MACROD2: variants seen among roughly 807,000 people sequenced by gnomAD.
MACROD2 encodes mono-ADP ribosylhydrolase 2, also known as ADP-ribose glycohydrolase MACROD2.
Under a neutral mutation model 70.4 loss-of-function variants are expected in MACROD2, and 36 were observed. The ratio of observed to expected loss-of-function variants is 0.51; its 90% CI spans 0.39 to 0.68. MACROD2 has a LOEUF of 0.68. Among genes scored for constraint, MACROD2 ranks in the 30% least tolerant of loss-of-function variants. MACROD2 has a pLI of 0.00. For missense variants in MACROD2, 496 were observed against 538.4 expected, an observed-to-expected ratio of 0.92 and a Z score of 0.78; for synonymous variants, 172 against 178.8, an observed-to-expected ratio of 0.96 and a Z score of 0.30.
At chr20:15,459,675 T>C (rs1483880137) in intron 7 of MACROD2, among the ~76,000 whole-genome samples, 5 of 152,100 alleles carry the variant, frequency 3.3e-5, no homozygotes, top group Admixed American at 2.6e-4. Context: ...GTCTTCTGAG[T>C]TCAAAAGGCT....
intron 5 of MACROD2, among the ~76,000 whole-genome samples, chr20:14,701,221 T>A (rs1449257719): frequency 6.6e-6 from 1 of 152,184 alleles, no homozygotes; most frequent in Non-Finnish European, 1.5e-5. Context: ...TATTTCCATA[T>A]GTCACTGCTA....
chr20:15,040,694 C>T (rs939616473), intron 5 of MACROD2, among the ~76,000 whole-genome samples: 5 of 152,156 alleles, frequency 3.3e-5, no homozygotes, highest in East Asian at 1.9e-4. Flanking sequence ...CTGACCCTAT[C>T]GGAACATTGT....
At position 15,666,072 on chromosome 20, in the gene MACROD2, G is replaced by C. The variant is rs1424166892; in HGVS notation, c.645+166225G>C. On this transcript the variant is annotated intron_variant, in intron 8 of 17. Coordinates refer to ENST00000684519, the MANE Select transcript of MACROD2 (RefSeq NM_001351661.2). ...GAGTAGCCTTGTAATTAACAAGGTA[G>C]TTAAATTATGTTTTAAATGAATTCT... Among the ~76,000 whole-genome samples, 7 of 152,158 alleles carry C rather than the reference G, an allele frequency of 4.6e-5. No homozygotes were observed. The South Asian group carries it at 1.4e-3, about 31-fold the overall frequency.
intron 4 of MACROD2, among the ~76,000 whole-genome samples, chr20:14,499,751 C>G (rs769291415): frequency 8.6e-5 from 13 of 151,960 alleles, no homozygotes; most frequent in Admixed American, 7.9e-4. Flanking sequence ...GTCCTCCCTC[C>G]CTCCTGCCTC....
chr20:14,529,369 T>C (rs2085274870), intron 4 of MACROD2, among the ~76,000 whole-genome samples: 1 of 152,194 alleles, frequency 6.6e-6, no homozygotes, highest in Admixed American at 6.5e-5. Flanking sequence ...ACACTTAGTG[T>C]ATTGGCTTTT....
intron 5 of MACROD2, among the ~76,000 whole-genome samples, chr20:15,176,053 G>T (rs118163955): frequency 8.9e-4 from 136 of 152,358 alleles, no homozygotes; most frequent in Admixed American, 1.5e-3. Context: ...CAAAGTTGTG[G>T]CTGAGGCTGG....
intron 7 of MACROD2, among the ~76,000 whole-genome samples, chr20:15,447,051 CGTGTGTGTGTGTGTGTGTGTGTGT>C (rs57914856): frequency 6.8e-6 from 1 of 146,554 alleles, no homozygotes; most frequent in South Asian, 2.2e-4. Flanking sequence ...TAAGAGTGTG[CGTGTGTGTGTGTGTGTGTGTGTGT>C]GTGTGTGTGT....
At chr20:14,128,092 T>C (rs767768500) in intron 3 of MACROD2, 230 of 549,678 alleles carry the variant, frequency 4.2e-4, no homozygotes, top group Non-Finnish European at 6.6e-4. Context: ...TCTCAAGCAG[T>C]GGTCATGTGT....
At chr20:15,582,222 A>G (rs2048535378) in intron 8 of MACROD2, among the ~76,000 whole-genome samples, 1 of 152,230 alleles carries the variant, frequency 6.6e-6, no homozygotes, top group East Asian at 1.9e-4. Flanking sequence ...CTAGGGCCAG[A>G]GCCTAACAGG....
At chr20:15,720,094 C>T (rs1398587197) in intron 8 of MACROD2, among the ~76,000 whole-genome samples, 3 of 152,182 alleles carry the variant, frequency 2.0e-5, no homozygotes. Context: ...GTAATATCCT[C>T]AAGCCTCATC....
chr20:15,511,895 C>G (rs2047505025), intron 8 of MACROD2, among the ~76,000 whole-genome samples: 1 of 152,208 alleles, frequency 6.6e-6, no homozygotes, highest in African/African-American at 2.4e-5. Context: ...CCTAAATCTA[C>G]TGTATCAGAA....
chr20:16,002,041 CTTAT>C (rs1316338614), intron 15 of MACROD2, among the ~76,000 whole-genome samples: 49 of 150,128 alleles, frequency 3.3e-4, no homozygotes, highest in African/African-American at 7.6e-4. Flanking sequence ...TATAATGTGT[CTTAT>C]ATATATATAT....
At chr20:15,319,931 T>C (rs2077855122) in intron 6 of MACROD2, among the ~76,000 whole-genome samples, 5 of 152,156 alleles carry the variant, frequency 3.3e-5, no homozygotes, top group Admixed American at 3.3e-4. Flanking sequence ...AGAAATTAGT[T>C]TTTTCATTGC....
At chr20:14,212,121 G>A (rs2081576226) in intron 3 of MACROD2, among the ~76,000 whole-genome samples, 1 of 152,096 alleles carries the variant, frequency 6.6e-6, no homozygotes, top group African/African-American at 2.4e-5. Flanking sequence ...AAGGATTGTA[G>A]ATCTGTATTC....
chr20:14,252,716 T>C (rs2082022883), intron 3 of MACROD2, among the ~76,000 whole-genome samples: 1 of 152,042 alleles, frequency 6.6e-6, no homozygotes, highest in African/African-American at 2.4e-5. Flanking sequence ...TTGTTATTTC[T>C]TGTCCCCTGT....
chr20:15,029,136 AT>A (rs2075255585), intron 5 of MACROD2, among the ~76,000 whole-genome samples: 1 of 152,134 alleles, frequency 6.6e-6, no homozygotes, highest in Non-Finnish European at 1.5e-5. Flanking sequence ...TAGTGCCAGA[AT>A]TCCGGAAGGC....
At chr20:15,556,230 C>A (rs925770009) in intron 8 of MACROD2, among the ~76,000 whole-genome samples, 1 of 152,162 alleles carries the variant, frequency 6.6e-6, no homozygotes, top group Admixed American at 6.5e-5. Context: ...GGGATTAAAC[C>A]TTCTGGCTTC....
At chr20:15,917,913 T>C (rs1474156972) in intron 10 of MACROD2, among the ~76,000 whole-genome samples, 1 of 152,054 alleles carries the variant, frequency 6.6e-6, no homozygotes, top group African/African-American at 2.4e-5. Flanking sequence ...TAATGTTTTG[T>C]AGCCCCAGAT....
At chr20:14,246,695 A>G (rs2081970580) in intron 3 of MACROD2, among the ~76,000 whole-genome samples, 1 of 152,182 alleles carries the variant, frequency 6.6e-6, no homozygotes, top group Admixed American at 6.6e-5. Context: ...TTCTTACCAA[A>G]CAACAGGTTT....
Sources: allele counts gnomAD v4.1 joint callset (sites outside exome capture counted in the v4.1 genomes callset), GRCh38; gene constraint gnomAD v4.1.1; transcripts MANE v1.5; gene names NCBI Gene and HGNC (gene_info 2026-07-23, HGNC 2026-07-21).